The following GNAQ variants were observed in gnomAD, a reference collection of about 807,000 sequenced individuals.
The protein encoded by GNAQ is guanine nucleotide-binding protein G(q) subunit alpha.
Under a neutral mutation model 43.9 loss-of-function variants are expected in GNAQ, and 8 were observed. The ratio of observed to expected loss-of-function variants is 0.18; its 90% CI spans 0.11 to 0.33. The LOEUF (loss-of-function observed/expected upper bound fraction) is 0.33, where lower values mean the gene tolerates loss of function less well. GNAQ is among the 10% of genes least tolerant of loss of function. GNAQ has a pLI of 1.00. For synonymous variants in GNAQ, 155 were observed against 170.7 expected (o/e 0.91, Z 0.71); for missense variants, 158 against 450.8 (o/e 0.35, Z 5.88).
chr9:77,926,297 A>C (rs1442548641), intron 1 of GNAQ, among the ~76,000 whole-genome samples: 1 of 152,138 alleles, frequency 6.6e-6, no homozygotes, highest in African/African-American at 2.4e-5. Flanking sequence ...TAGTATGAAA[A>C]ATTTTGGTAT....
intron 1 of GNAQ, among the ~76,000 whole-genome samples, chr9:78,019,682 G>A (rs1363530959): frequency 1.3e-5 from 2 of 152,064 alleles, no homozygotes; most frequent in African/African-American, 2.4e-5. Context: ...CAACACTTTG[G>A]GAGGCCAAGA....
At chr9:77,861,753 C>A (rs1054897089) in intron 2 of GNAQ, among the ~76,000 whole-genome samples, 1 of 152,120 alleles carries the variant, frequency 6.6e-6, no homozygotes, top group African/African-American at 2.4e-5. Flanking sequence ...CTATAATCCC[C>A]ACACTTTGGG....
At chr9:77,894,453 T>A (rs541956042) in intron 2 of GNAQ, among the ~76,000 whole-genome samples, 2 of 84,212 alleles carry the variant, frequency 2.4e-5, no homozygotes, top group South Asian at 4.2e-4. Context: ...GGAGACAGTC[T>A]CACTATGTCA....
intron 4 of GNAQ, among the ~76,000 whole-genome samples, chr9:77,796,149 G>T (rs931561703): frequency 6.6e-6 from 1 of 152,118 alleles, no homozygotes; most frequent in Non-Finnish European, 1.5e-5. Context: ...CCATTTTATA[G>T]ATTAAAAAAC....
At chr9:78,024,665 C>A (rs773094463) in intron 1 of GNAQ, among the ~76,000 whole-genome samples, 3 of 152,256 alleles carry the variant, frequency 2.0e-5, no homozygotes, top group South Asian at 2.1e-4. Context: ...CATGTCAGTA[C>A]GAGGACATCA....
intron 2 of GNAQ, among the ~76,000 whole-genome samples, chr9:77,907,675 G>T (rs1442271299): frequency 6.6e-6 from 1 of 152,196 alleles, no homozygotes; most frequent in East Asian, 1.9e-4. Context: ...CAAATAGGTG[G>T]TATCAGAGTT....
At chr9:77,773,941 A>T (rs553507854) in intron 5 of GNAQ, among the ~76,000 whole-genome samples, 1 of 152,286 alleles carries the variant, frequency 6.6e-6, no homozygotes, top group African/African-American at 2.4e-5. Context: ...ACAGCAAATG[A>T]TTTAAAGTTT....
chr9:77,741,453 G>T (rs188021794), intron 5 of GNAQ, among the ~76,000 whole-genome samples: 69 of 152,244 alleles, frequency 4.5e-4, no homozygotes, highest in Admixed American at 1.4e-3. Context: ...TTTTGTCCTT[G>T]TCTTTTTTTC....
At chr9:77,833,688 C>G (rs992179693) in intron 2 of GNAQ, among the ~76,000 whole-genome samples, 2 of 152,148 alleles carry the variant, frequency 1.3e-5, no homozygotes, top group African/African-American at 4.8e-5. Context: ...ATAAGAGTGG[C>G]CTTGGAGAGC....
intron 1 of GNAQ, among the ~76,000 whole-genome samples, chr9:77,993,037 A>AACAC (rs1480409125): frequency 6.6e-6 from 1 of 152,206 alleles, no homozygotes; most frequent in East Asian, 1.9e-4. Context: ...TCCTCTACAA[A>AACAC]ACACATTCCA....
At chr9:77,815,529 G>C (rs917866438) in intron 3 of GNAQ, 87 bp downstream of exon 3, 1 of 837,704 alleles carries the variant, frequency 1.2e-6, no homozygotes. Context: ...ACATATACAG[G>C]ACAGAATAAA....
intron 2 of GNAQ, among the ~76,000 whole-genome samples, chr9:77,839,334 A>G (rs1257074018): frequency 6.6e-6 from 1 of 152,222 alleles, no homozygotes; most frequent in Non-Finnish European, 1.5e-5. Context: ...GTTTGAGACT[A>G]AGATAATTAA....
In GNAQ at chr9:77,721,201, A is replaced by G; in HGVS notation, c.*122T>C. 1 of 616,548 alleles carries G rather than the reference A, an allele frequency of 1.6e-6. No homozygotes were observed. The highest frequency in any genetic ancestry group is 2.9e-6 in the Non-Finnish European group (1 of 348,428). The allele number at this position is 616,548 out of a possible 1,614,324, so 38.2% of individuals were successfully genotyped here. A position where few individuals can be genotyped will look rare whatever the true frequency, so the allele number is the denominator to read the frequency against. ...CTACAAACTCTGTGGACACGCTCAC[A>G]CAGAGTCCAGGACGGCAATAAATTA... On this transcript the variant is annotated 3_prime_UTR_variant, in exon 7 of 7. Transcript: ENST00000286548.
chr9:77,979,132 G>C (rs1823337882), intron 1 of GNAQ, among the ~76,000 whole-genome samples: 1 of 152,108 alleles, frequency 6.6e-6, no homozygotes, highest in African/African-American at 2.4e-5. Flanking sequence ...GAGGTGGGCA[G>C]ATCACCTGAG....
intron 5 of GNAQ, among the ~76,000 whole-genome samples, chr9:77,785,314 A>G (rs549521870): frequency 2.0e-5 from 3 of 152,312 alleles, no homozygotes; most frequent in Non-Finnish European, 2.9e-5. Flanking sequence ...AAGCTGGAAG[A>G]GAAAAAGAAG....
chr9:77,741,526 C>A (rs956713460), intron 5 of GNAQ, among the ~76,000 whole-genome samples: 17 of 152,094 alleles, frequency 1.1e-4, no homozygotes, highest in Non-Finnish European at 5.9e-5. Flanking sequence ...AAAAAGCATC[C>A]ATTTTCTTTC....
Position 77,952,195 on chromosome 9 carries a change from G to C in GNAQ, c.137-29850C>G, listed in dbSNP as rs528656053. ...AATATGCCCAAAGGTGGGTTGATTT[G>C]AAGCAGGAAATATACTCAGTTTTTA... On this transcript the variant is annotated intron_variant, in intron 1 of 6. Coordinates refer to ENST00000286548, the MANE Select transcript of GNAQ (RefSeq NM_002072.5). 2.0e-5 allele frequency among the ~76,000 whole-genome samples: 3 copies of C among 152,318 alleles called. No homozygotes were observed. In the South Asian group the frequency reaches 6.2e-4, roughly 32 times the overall value.
At chr9:77,884,460 A>G (rs1828269023) in intron 2 of GNAQ, among the ~76,000 whole-genome samples, 1 of 152,268 alleles carries the variant, frequency 6.6e-6, no homozygotes, top group Non-Finnish European at 1.5e-5. Context: ...ATTTTAAAGC[A>G]TGAAAGAAAA....
At chr9:77,917,380 GA>G in intron 2 of GNAQ, among the ~76,000 whole-genome samples, 1 of 151,910 alleles carries the variant, frequency 6.6e-6, no homozygotes, top group East Asian at 1.9e-4. Flanking sequence ...GGGTGGGGGG[GA>G]AGAAGGTAAG....
Sources: gnomAD v4.1 joint callset for allele counts (sites outside exome capture counted in the v4.1 genomes callset) on GRCh38, gnomAD v4.1.1 for gene constraint, MANE v1.5 for transcripts, NCBI Gene and HGNC (gene_info 2026-07-23, HGNC 2026-07-21) for gene names.